The following BDP1 variants were observed in gnomAD, a reference collection of about 807,000 sequenced individuals.
BDP1 encodes the protein transcription factor TFIIIB component B'' homolog.
BDP1 carries 169 observed loss-of-function variants against 266.6 expected under a neutral mutation model. The observed-to-expected ratio is 0.63, with a 90% CI of 0.56 to 0.72. The LOEUF (loss-of-function observed/expected upper bound fraction) is 0.72, where lower values mean the gene tolerates loss of function less well. Among genes scored for constraint, BDP1 ranks in the 30% least tolerant of loss-of-function variants. The pLI, the probability that BDP1 is intolerant of heterozygous loss-of-function variation, is 0.00. For synonymous variants in BDP1, 1,090 were observed against 1,022.4 expected (o/e 1.07, Z -1.26); for missense variants, 3,015 against 3,053.8 (o/e 0.99, Z 0.30).
rs1237968284 is a variant in BDP1 at position 71,471,483 on chromosome 5, C to T, written c.1014+994C>T. 2.6e-5 allele frequency among the ~76,000 whole-genome samples: 4 copies of T among 152,230 alleles called. No individual in the cohort carries two copies. In the East Asian group the frequency reaches 7.7e-4, roughly 29 times the overall value. Reference sequence around the variant, plus strand: ...CAATGCAAAATGTATTTCAGAATTTCCTAGGAAAGCTTAAAGAGAAGAAAT... The same window carrying T: ...CAATGCAAAATGTATTTCAGAATTTTCTAGGAAAGCTTAAAGAGAAGAAAT... On this transcript the variant is annotated intron_variant, in intron 7 of 38. Transcript: ENST00000358731.
intron 2 of BDP1, among the ~76,000 whole-genome samples, chr5:71,459,888 G>A (rs1192527828): frequency 2.0e-5 from 3 of 152,166 alleles, no homozygotes; most frequent in African/African-American, 2.4e-5. Context: ...ATGCTCATTG[G>A]AGCATATTGG....
intron 25 of BDP1, among the ~76,000 whole-genome samples, chr5:71,525,424 G>C (rs1325374675): frequency 1.4e-5 from 2 of 138,560 alleles, no homozygotes; most frequent in African/African-American, 2.7e-5. Flanking sequence ...GGACGGGGCG[G>C]CTGGCCGGGC....
At chr5:71,486,920 T>C (rs1763295499) in intron 9 of BDP1, among the ~76,000 whole-genome samples, 2 of 152,220 alleles carry the variant, frequency 1.3e-5, no homozygotes, top group Non-Finnish European at 2.9e-5. Flanking sequence ...CATGTTTGAT[T>C]ATTTATTATC....
chr5:71,512,886 C>T (rs1448735726), intron 18 of BDP1, among the ~76,000 whole-genome samples: 3 of 151,640 alleles, frequency 2.0e-5, no homozygotes, highest in African/African-American at 4.8e-5. Context: ...GTAGAAACCC[C>T]ATCTCTATAA....
intron 32 of BDP1, among the ~76,000 whole-genome samples, chr5:71,546,666 A>C (rs1340356703): frequency 5.3e-5 from 8 of 149,992 alleles, no homozygotes; most frequent in Non-Finnish European, 1.2e-4. Context: ...GAATCATTTG[A>C]AAGTAGGTTG....
intron 10 of BDP1, among the ~76,000 whole-genome samples, chr5:71,490,618 C>T (rs1763529179): frequency 6.6e-6 from 1 of 152,068 alleles, no homozygotes; most frequent in Non-Finnish European, 1.5e-5. Flanking sequence ...GGGTTCCTGC[C>T]GCTTAGTAAG....
In BDP1 at chr5:71,562,270, C is replaced by T; in HGVS notation, c.7497-4C>T. On this transcript the variant is annotated splice_polypyrimidine_tract_variant and splice_region_variant and intron_variant, in intron 37 of 38. Transcript: ENST00000358731. The stretch of plus-strand genomic sequence containing the variant: ...CTTGAATATCGTTACATTTGTATTT[C>T]TAGACCTGGCAGAAGACCCCTGGGA... 7.0e-7 allele frequency: 1 copy of T among 1,421,686 alleles called. No individual in the cohort carries two copies. The highest frequency in any genetic ancestry group is 9.4e-7 in the Non-Finnish European group (1 of 1,061,018). The allele number at this position is 1,421,686 out of a possible 1,614,324, so 88.1% of individuals were successfully genotyped here.
At chr5:71,512,775 C>A (rs1413236151) in intron 18 of BDP1, among the ~76,000 whole-genome samples, 1 of 152,020 alleles carries the variant, frequency 6.6e-6, no homozygotes, top group East Asian at 1.9e-4. Context: ...TAGAATTAGG[C>A]CAAGTATGGT....
chr5:71,533,655 G>T (rs543061114), intron 26 of BDP1, among the ~76,000 whole-genome samples: 1 of 151,612 alleles, frequency 6.6e-6, no homozygotes, highest in African/African-American at 2.4e-5. Context: ...GTAGAGGTGG[G>T]GTCTTGCTGT....
rs898571920 is a variant in BDP1, at chr5:71,517,372, A to G, written c.4911A>G (p.Pro1637=). 1.1e-5 allele frequency: 18 copies of G among 1,603,540 alleles called. No individual in the cohort carries two copies. The highest frequency in any genetic ancestry group is 1.5e-5 in the Non-Finnish European group (18 of 1,177,366). ...TTGAAGTTCCATCGTCCGCAGTTCC[A>G]GAACACAGAATGTATGAAAATCAAA... is the stretch of plus-strand genomic sequence containing the variant. ...TEIEVPSSAV[P]EHRMYENQSQ... Residue 1637 remains proline, a synonymous_variant, in exon 22 of 39, where the codon CCA becomes CCG. Transcript: ENST00000358731.
rs556503173 is a variant in BDP1, at chr5:71,513,404, A to G, written c.4467A>G (p.Gln1489=). ...AACAAACTGATACTCTCCCTTCTCA[A>G]CATGTGAGTGTATTTGAGATGGAAG... ...NNEQTDTLPS[Q]HDEASLMISR... is the part of the protein sequence containing the mutation. The change falls in exon 19 of 39, where the codon CAA becomes CAG. Residue 1489 remains glutamine, a synonymous_variant. Transcript: ENST00000358731. The G allele has an allele frequency of 4.5e-6, 7 of 1,558,800 alleles. No individual in the cohort carries two copies. Among genetic ancestry groups the G allele is most frequent in the Non-Finnish European group, 5.2e-6 (6 of 1,152,630 alleles).
intron 20 of BDP1, 131 bp downstream of exon 20, chr5:71,515,253 C>T (rs2150487711): frequency 1.4e-6 from 1 of 696,320 alleles, no homozygotes; most frequent in East Asian, 2.9e-5. Context: ...TTTATTGATA[C>T]AGCAGACTGC....
chr5:71,534,719 A>G (rs1010230899), intron 26 of BDP1, among the ~76,000 whole-genome samples: 1 of 152,086 alleles, frequency 6.6e-6, no homozygotes, highest in Non-Finnish European at 1.5e-5. Flanking sequence ...TTGGCTCACC[A>G]CAACCTCTGT....
At chr5:71,480,423 C>T (rs1338454600) in intron 7 of BDP1, among the ~76,000 whole-genome samples, 8 of 151,340 alleles carry the variant, frequency 5.3e-5, no homozygotes, top group African/African-American at 1.2e-4. Flanking sequence ...CGTGAGCCAC[C>T]GTGCCCAGCC....
intron 21 of BDP1, 106 bp from the exon 22 acceptor site, chr5:71,517,216 A>G: frequency 9.8e-7 from 1 of 1,016,174 alleles, no homozygotes; most frequent in African/African-American, 1.7e-5. Flanking sequence ...TAAAAATTTA[A>G]AAAAGAAAAG....
At position 71,511,152 on chromosome 5, in the gene BDP1, G is replaced by A. The variant is rs753353654; in HGVS notation, c.4059+1G>A. The A allele has an allele frequency of 5.6e-6, 9 of 1,596,532 alleles. No homozygotes were observed. Among genetic ancestry groups the A allele is most frequent in the Admixed American group, 5.5e-5 (3 of 54,618 alleles). On this transcript the variant is annotated splice_donor_variant, in intron 17 of 38. Coordinates refer to ENST00000358731, the MANE Select transcript of BDP1 (RefSeq NM_018429.3). LOFTEE classifies it high-confidence loss of function. ...TGCTGTGCCTTCACTAGATATTCAG[G>A]TATGTATTTTTCTGTCCTTTAAAAG... is the stretch of plus-strand genomic sequence containing the variant.
chr5:71,503,393 T>C (rs763857733), intron 15 of BDP1, among the ~76,000 whole-genome samples: 1 of 152,244 alleles, frequency 6.6e-6, no homozygotes, highest in African/African-American at 2.4e-5. Flanking sequence ...AAAGCCATTT[T>C]AGATTTTGGG....
chr5:71,514,941 T>C lies in BDP1; in HGVS notation c.4471-3T>C, dbSNP rs1765142799. Reference sequence around the variant, plus strand: ...TGAATGAAATTTTTTTTCTGTCTTCTAGGATGAAGCTTCCCTAATGATATC... The same window carrying C: ...TGAATGAAATTTTTTTTCTGTCTTCCAGGATGAAGCTTCCCTAATGATATC... On this transcript the variant is annotated splice_region_variant and splice_polypyrimidine_tract_variant and intron_variant, in intron 19 of 38. Coordinates refer to ENST00000358731, the MANE Select transcript of BDP1 (RefSeq NM_018429.3). The C allele has an allele frequency of 6.3e-7, 1 of 1,593,256 alleles. No individual in the cohort carries two copies. Among genetic ancestry groups the C allele is most frequent in the African/African-American group, 1.4e-5 (1 of 73,670 alleles).
intron 7 of BDP1, among the ~76,000 whole-genome samples, chr5:71,480,417 A>C (rs559788091): frequency 4.7e-5 from 7 of 150,190 alleles, no homozygotes; most frequent in African/African-American, 1.7e-4. Context: ...TACAGACGTG[A>C]GCCACCGTGC....
Sources: gnomAD v4.1 joint callset for allele counts (sites outside exome capture counted in the v4.1 genomes callset) on GRCh38, gnomAD v4.1.1 for gene constraint, MANE v1.5 for transcripts, NCBI Gene and HGNC (gene_info 2026-07-23, HGNC 2026-07-21) for gene names.